Variants in GRK3 observed in about 807,000 individuals in gnomAD.
The protein encoded by GRK3 is G protein-coupled receptor kinase 3.
In GRK3, 54 loss-of-function variants were observed where a neutral mutation model predicts 95.7. The ratio of observed to expected loss-of-function variants is 0.56; its 90% CI spans 0.45 to 0.71. The LOEUF (loss-of-function observed/expected upper bound fraction) is 0.71, where lower values mean the gene tolerates loss of function less well. Ranked by LOEUF, GRK3 falls within the 30% of genes least tolerant of loss-of-function variation. The pLI, the probability that GRK3 is intolerant of heterozygous loss-of-function variation, is 0.00. For missense variants in GRK3, 649 were observed against 851.2 expected, an observed-to-expected ratio of 0.76 and a Z score of 2.96; for synonymous variants, 281 against 290.8, an observed-to-expected ratio of 0.97 and a Z score of 0.34.
intron 14 of GRK3, 57 bp from the exon 15 acceptor site, chr22:25,704,052 G>A (rs2085279720): frequency 4.7e-6 from 6 of 1,289,150 alleles, no homozygotes; most frequent in Admixed American, 1.7e-5. Flanking sequence ...GTCTGGTTGA[G>A]TGTTAGGATG....
At chr22:25,715,896 T>C (rs1227558486) in intron 18 of GRK3, among the ~76,000 whole-genome samples, 3 of 152,202 alleles carry the variant, frequency 2.0e-5, no homozygotes, top group East Asian at 1.9e-4. Flanking sequence ...TTACTCTTTA[T>C]ATAAACGTTG....
intron 19 of GRK3, among the ~76,000 whole-genome samples, chr22:25,719,215 A>G (rs1319437000): frequency 1.3e-5 from 2 of 151,796 alleles, no homozygotes; most frequent in African/African-American, 2.4e-5. Context: ...AAAAAACTCC[A>G]TGTGTTTGGG....
chr22:25,675,450 G>C (rs558055165), intron 8 of GRK3, among the ~76,000 whole-genome samples: 3 of 152,102 alleles, frequency 2.0e-5, no homozygotes, highest in Admixed American at 1.3e-4. Flanking sequence ...TCTTAAGTGT[G>C]GGGGAACATT....
chr22:25,565,389 C>G (rs2146305420), intron 1 of GRK3, among the ~76,000 whole-genome samples: 1 of 152,330 alleles, frequency 6.6e-6, no homozygotes, highest in Non-Finnish European at 1.5e-5. Flanking sequence ...CGGCGCCCTG[C>G]GCGCAGCGAG....
chr22:25,681,494 G>A (rs1040384396), intron 9 of GRK3, among the ~76,000 whole-genome samples: 4 of 152,082 alleles, frequency 2.6e-5, no homozygotes, highest in Admixed American at 1.3e-4. Flanking sequence ...GCCAGGGTCT[G>A]CGGTGGTGGG....
In GRK3 at chr22:25,587,945, C is replaced by T. The variant is rs540041537; in HGVS notation, c.114-16432C>T. Among the ~76,000 whole-genome samples, 81 of 152,332 alleles carry T rather than the reference C, an allele frequency of 5.3e-4. 1 individual carries two copies. In the South Asian group the frequency reaches 0.016, roughly 30 times the overall value. On this transcript the variant is annotated intron_variant, in intron 1 of 20. Coordinates refer to ENST00000324198, the MANE Select transcript of GRK3 (RefSeq NM_005160.4). ...GTTTCCTGGATACATTACCCAGTCT[C>T]GGGTATGTCTTTACCAGCAGTGTGA...
In GRK3 at chr22:25,728,005, C is replaced by A. The variant is rs1379336048; in HGVS notation, c.*5555C>A. On this transcript the variant is annotated 3_prime_UTR_variant, in exon 21 of 21. Transcript: ENST00000324198. ...TATATATATATAAGAAACAAGAGTT[C>A]TATTTTAGCACAAAGGCATTTTATA... 2 of 152,068 alleles carry A rather than the reference C, an allele frequency of 1.3e-5. No individual in the cohort carries two copies. Among genetic ancestry groups the A allele is most frequent in the South Asian group, 2.1e-4 (1 of 4,816 alleles). 9.4% of individuals were successfully genotyped at this position (152,068 alleles called of 1,614,324 possible).
At chr22:25,593,349 C>CT (rs1555916197) in intron 1 of GRK3, among the ~76,000 whole-genome samples, 3 of 151,760 alleles carry the variant, frequency 2.0e-5, no homozygotes, top group Admixed American at 6.6e-5. Flanking sequence ...GCATCTGTTT[C>CT]TTTCTTTTCT....
chr22:25,626,289 G>A (rs143639222), intron 2 of GRK3, among the ~76,000 whole-genome samples: 3 of 152,298 alleles, frequency 2.0e-5, no homozygotes, highest in East Asian at 3.9e-4. Context: ...TCGTCTTGCC[G>A]TAGGACTTGC....
At chr22:25,589,314 G>C (rs1932419308) in intron 1 of GRK3, among the ~76,000 whole-genome samples, 1 of 152,172 alleles carries the variant, frequency 6.6e-6, no homozygotes, top group African/African-American at 2.4e-5. Context: ...AGGTGTTGAC[G>C]TACAACCTAG....
Position 25,564,944 on chromosome 22 carries a change from G to T in GRK3, c.-97G>T. Reference sequence around the variant, plus strand: ...GCGGAGGGGGGGGCTGCCCCGGGGCGGCCCCCCCAGGTCGGGGCGCGGCGG... The same window carrying T: ...GCGGAGGGGGGGGCTGCCCCGGGGCTGCCCCCCCAGGTCGGGGCGCGGCGG... On this transcript the variant is annotated 5_prime_UTR_variant, in exon 1 of 21. Transcript: ENST00000324198. The T allele has an allele frequency of 4.9e-6, 1 of 202,258 alleles. No individual in the cohort carries two copies. The highest frequency in any genetic ancestry group is 1.6e-4 in the South Asian group (1 of 6,122). 12.5% of individuals were successfully genotyped at this position (202,258 alleles called of 1,614,324 possible).
intron 1 of GRK3, among the ~76,000 whole-genome samples, chr22:25,592,908 T>C (rs2146329324): frequency 6.6e-6 from 1 of 151,982 alleles, no homozygotes; most frequent in Middle Eastern, 3.4e-3. Flanking sequence ...TAAGAACATG[T>C]GGTATTTGGT....
intron 1 of GRK3, among the ~76,000 whole-genome samples, chr22:25,594,884 TAAATAAATAAATA>T (rs1365782879): frequency 2.0e-5 from 3 of 151,604 alleles, no homozygotes; most frequent in South Asian, 2.1e-4. Flanking sequence ...ATCTCAAAAA[TAAATAAATAAATA>T]AAATAAATAA....
In GRK3 at chr22:25,691,517, G is replaced by A. The variant is rs549744219; in HGVS notation, c.1052+1234G>A. Among the ~76,000 whole-genome samples the A allele has an allele frequency of 2.0e-5, 3 of 152,344 alleles. No individual in the cohort carries two copies. The East Asian group carries it at 5.8e-4, about 29-fold the overall frequency. On this transcript the variant is annotated intron_variant, in intron 12 of 20. Transcript: ENST00000324198. ...ATATTTCTCTTTTTCTACAGAATCTGGGATATGGTGATAAAAGCATTAGCA... is the reference window on the plus strand; with the variant it reads ...ATATTTCTCTTTTTCTACAGAATCTAGGATATGGTGATAAAAGCATTAGCA...
chr22:25,619,423 T>C (rs1205244315), intron 2 of GRK3, among the ~76,000 whole-genome samples: 1 of 152,126 alleles, frequency 6.6e-6, no homozygotes, highest in Non-Finnish European at 1.5e-5. Context: ...TGGGCTGAGG[T>C]GGAGTCTACC....
chr22:25,598,907 C>T (rs941250320), intron 1 of GRK3, among the ~76,000 whole-genome samples: 2 of 151,950 alleles, frequency 1.3e-5, no homozygotes, highest in Admixed American at 1.3e-4. Context: ...CTCACATTTA[C>T]AGTAATTGAT....
chr22:25,604,591 T>G (rs527468820), intron 2 of GRK3, 138 bp downstream of exon 2: 2 of 500,324 alleles, frequency 4.0e-6, no homozygotes, highest in Non-Finnish European at 7.0e-6. Context: ...TTTCATGTAA[T>G]TAATAAGGTA....
intron 9 of GRK3, among the ~76,000 whole-genome samples, chr22:25,679,790 C>T (rs916948131): frequency 6.6e-6 from 1 of 152,056 alleles, no homozygotes; most frequent in Non-Finnish European, 1.5e-5. Flanking sequence ...AACTGTGTAC[C>T]CCACATGTGA....
intron 15 of GRK3, among the ~76,000 whole-genome samples, chr22:25,704,707 AGCCC>A (rs2085286422): frequency 6.6e-6 from 1 of 152,254 alleles, no homozygotes; most frequent in Non-Finnish European, 1.5e-5. Context: ...CACTGCGGCC[AGCCC>A]ACTTTTTAAC....
Sources: gnomAD v4.1 joint callset for allele counts (sites outside exome capture counted in the v4.1 genomes callset) on GRCh38, gnomAD v4.1.1 for gene constraint, MANE v1.5 for transcripts, NCBI Gene and HGNC (gene_info 2026-07-23, HGNC 2026-07-21) for gene names.